Variants in LRRK1 observed in about 807,000 individuals in gnomAD.
The protein encoded by LRRK1 is leucine-rich repeat serine/threonine-protein kinase 1.
In LRRK1, 113 loss-of-function variants were observed where a neutral mutation model predicts 209.1. That is an observed-to-expected ratio of 0.54 (90% CI 0.46 to 0.63). The LOEUF (loss-of-function observed/expected upper bound fraction) is 0.63, where lower values mean the gene tolerates loss of function less well. LRRK1 is among the 30% of genes least tolerant of loss of function. The pLI, the probability that LRRK1 is intolerant of heterozygous loss-of-function variation, is 0.00. For synonymous variants in LRRK1, 1,144 were observed against 1,099.7 expected, an observed-to-expected ratio of 1.04 and a Z score of -0.80; for missense variants, 2,284 against 2,632.2, an observed-to-expected ratio of 0.87 and a Z score of 2.89.
chr15:101,074,282 T>C lies in LRRK1; in HGVS notation c.*5434T>C, dbSNP rs1419920410. ...CCTCCGCTCCTCCACCATATAATCT[T>C]TTTATCACCTCCCCTCCTCACACCC... is the stretch of plus-strand genomic sequence containing the variant. On this transcript the variant is annotated 3_prime_UTR_variant, in exon 34 of 34. Coordinates refer to ENST00000388948, the MANE Select transcript of LRRK1 (RefSeq NM_024652.6). 1 of 152,130 alleles carries C rather than the reference T, an allele frequency of 6.6e-6. No individual in the cohort carries two copies. The highest frequency in any genetic ancestry group is 1.5e-5 in the Non-Finnish European group (1 of 68,034). 9.4% of individuals were successfully genotyped at this position (152,130 alleles called of 1,614,324 possible). A position where few individuals can be genotyped will look rare whatever the true frequency, so the allele number is the denominator to read the frequency against.
At chr15:100,966,362 C>A (rs7178547) in intron 2 of LRRK1, among the ~76,000 whole-genome samples, 1 of 151,856 alleles carries the variant, frequency 6.6e-6, no homozygotes, top group Non-Finnish European at 1.5e-5. Context: ...AATTTTTTTT[C>A]AGTGAGAATG....
At chr15:100,983,042 G>T (rs569036193) in intron 3 of LRRK1, among the ~76,000 whole-genome samples, 110 of 152,328 alleles carry the variant, frequency 7.2e-4, no homozygotes, top group South Asian at 1.2e-3. Context: ...CGGTGTGGTG[G>T]CATGTGCCTG....
intron 2 of LRRK1, among the ~76,000 whole-genome samples, chr15:100,958,634 A>C (rs2042813832): frequency 6.6e-6 from 1 of 152,236 alleles, no homozygotes; most frequent in Admixed American, 6.5e-5. Flanking sequence ...CCAAATTTCT[A>C]ACTTAACTTC....
chr15:101,033,636 G>C (rs534825685), intron 20 of LRRK1, among the ~76,000 whole-genome samples: 1 of 152,250 alleles, frequency 6.6e-6, no homozygotes, highest in South Asian at 2.1e-4. Flanking sequence ...ATTCCATTGT[G>C]TATATGGACC....
At chr15:100,999,993 G>T (rs1244925525) in intron 6 of LRRK1, among the ~76,000 whole-genome samples, 2 of 152,102 alleles carry the variant, frequency 1.3e-5, no homozygotes, top group Non-Finnish European at 2.9e-5. Flanking sequence ...TAAACATATT[G>T]GCAGCCAACC....
intron 6 of LRRK1, among the ~76,000 whole-genome samples, chr15:101,000,278 T>C (rs1261237361): frequency 6.6e-6 from 1 of 151,642 alleles, no homozygotes; most frequent in Non-Finnish European, 1.5e-5. Flanking sequence ...CTTTTAAAAT[T>C]ACATTTCTAA....
rs780403978 is a variant in LRRK1, at chr15:101,065,805, C to A, written c.5368C>A (p.Arg1790=). 8.7e-6 allele frequency: 14 copies of A among 1,613,896 alleles called. No homozygotes were observed. Among genetic ancestry groups the A allele is most frequent in the Non-Finnish European group, 1.1e-5 (13 of 1,180,002 alleles). The change falls in exon 32 of 34, where the codon CGG becomes AGG. Residue 1790 remains arginine (R), a synonymous_variant. Coordinates refer to ENST00000388948, the MANE Select transcript of LRRK1 (RefSeq NM_024652.6). Reference sequence around the variant, plus strand: ...CCCCCTCAGGGACATGTTTCCCGTGCGGCCCTTGGACACGGAACCCCCGGC... The same window carrying A: ...CCCCCTCAGGGACATGTTTCCCGTGAGGCCCTTGGACACGGAACCCCCGGC... ...PSPLRDMFPV[R]PLDTEPPAAS...
At chr15:100,949,559 G>T (rs1180337848) in intron 2 of LRRK1, among the ~76,000 whole-genome samples, 1 of 152,024 alleles carries the variant, frequency 6.6e-6, no homozygotes, top group Admixed American at 6.5e-5. Context: ...GCCAAAACCA[G>T]AAAAAGATCT....
At chr15:101,020,769 C>A (rs1056738182) in intron 12 of LRRK1, among the ~76,000 whole-genome samples, 13 of 152,176 alleles carry the variant, frequency 8.5e-5, no homozygotes, top group Non-Finnish European at 1.9e-4. Flanking sequence ...TGCAATTATT[C>A]TATTACTCAT....
chr15:100,953,527 T>C (rs1398643529), intron 2 of LRRK1, among the ~76,000 whole-genome samples: 6 of 129,106 alleles, frequency 4.6e-5, no homozygotes, highest in African/African-American at 1.8e-4. Flanking sequence ...TATATATATA[T>C]ATATATACAC....
At chr15:100,934,067 TTTTA>T (rs2042253403) in intron 2 of LRRK1, among the ~76,000 whole-genome samples, 1 of 152,100 alleles carries the variant, frequency 6.6e-6, no homozygotes, top group South Asian at 2.1e-4. Context: ...CTCAGTTAAT[TTTTA>T]TTTATTTATT....
chr15:100,928,795 G>A (rs905568965), intron 2 of LRRK1, among the ~76,000 whole-genome samples: 1 of 152,126 alleles, frequency 6.6e-6, no homozygotes, highest in African/African-American at 2.4e-5. Context: ...TCCTTTCAAA[G>A]CCCCTGGATG....
At position 101,074,894 on chromosome 15, in the gene LRRK1, C is replaced by A. The variant is rs1398860308; in HGVS notation, c.*6046C>A. On this transcript the variant is annotated 3_prime_UTR_variant, in exon 34 of 34. Coordinates refer to ENST00000388948, the MANE Select transcript of LRRK1 (RefSeq NM_024652.6). Reference sequence around the variant, plus strand: ...AAGCCGTGTCCCATCTGTGCGGGACCCCACTGGAAATCGGACTGTCCAACT... The same window carrying A: ...AAGCCGTGTCCCATCTGTGCGGGACACCACTGGAAATCGGACTGTCCAACT... The A allele has an allele frequency of 1.3e-5, 2 of 151,848 alleles. No homozygotes were observed. The highest frequency in any genetic ancestry group is 3.9e-4 in the East Asian group (2 of 5,148). 9.4% of individuals were successfully genotyped at this position (151,848 alleles called of 1,614,324 possible). A position where few individuals can be genotyped will look rare whatever the true frequency, so the allele number is the denominator to read the frequency against.
chr15:100,983,439 TC>T (rs2031708239), intron 3 of LRRK1, 88 bp from the exon 4 acceptor site: 2 of 1,276,526 alleles, frequency 1.6e-6, no homozygotes, highest in South Asian at 1.6e-5. Flanking sequence ...CCAGTCCTGC[TC>T]CGGGACCTGG....
rs56323708 is a variant in LRRK1, at chr15:100,956,644, T to C, written c.98-17160T>C. 2.2e-3 allele frequency among the ~76,000 whole-genome samples: 328 copies of C among 151,900 alleles called. 1 individual carries two copies. The highest frequency in any genetic ancestry group is 6.8e-3 in the Middle Eastern group (2 of 294). ...CACGCCTGGCTAATTTTTGTGTTTT[T>C]AGTAGAGACAGGGTTTCACCATCTT... On this transcript the variant is annotated intron_variant, in intron 2 of 33. Transcript: ENST00000388948.
rs147140086 is a variant in LRRK1, at chr15:100,940,332, C to T, written c.97+15603C>T. 1.2e-3 allele frequency among the ~76,000 whole-genome samples: 184 copies of T among 152,232 alleles called. 2 individuals carry two copies. The East Asian group carries it at 0.019, about 16-fold the overall frequency. On this transcript the variant is annotated intron_variant, in intron 2 of 33. Coordinates refer to ENST00000388948, the MANE Select transcript of LRRK1 (RefSeq NM_024652.6). ...TAGTATCCTGTCACTTCTGAGGACT[C>T]ATATTTTTGCAACTTGAAAATTATT...
At chr15:101,068,341 T>C (rs1331120735) in intron 33 of LRRK1, among the ~76,000 whole-genome samples, 2 of 152,072 alleles carry the variant, frequency 1.3e-5, no homozygotes, top group African/African-American at 4.8e-5. Flanking sequence ...TTTGGGTCAG[T>C]GGTGTTTTCT....
Position 101,006,359 on chromosome 15 carries a change from A to G in LRRK1, c.763-2478A>G, listed in dbSNP as rs117416470. 9.2e-3 allele frequency among the ~76,000 whole-genome samples: 1,322 copies of G among 143,908 alleles called. 11 individuals carry two copies. Among genetic ancestry groups the G allele is most frequent in the Non-Finnish European group, 0.014 (945 of 66,788 alleles). 94.4% of individuals were successfully genotyped at this position (143,908 alleles called of 152,430 possible). A position where few individuals can be genotyped will look rare whatever the true frequency, so the allele number is the denominator to read the frequency against. On this transcript the variant is annotated intron_variant, in intron 6 of 33. Coordinates refer to ENST00000388948, the MANE Select transcript of LRRK1 (RefSeq NM_024652.6). Reference sequence around the variant, plus strand: ...GGCTAAAAGTTGCAGGACTTAATGCAACGACAATGTGATAAAAAAAAAAAA... The same window carrying G: ...GGCTAAAAGTTGCAGGACTTAATGCGACGACAATGTGATAAAAAAAAAAAA...
At chr15:100,965,847 A>G (rs1238223222) in intron 2 of LRRK1, among the ~76,000 whole-genome samples, 2 of 152,232 alleles carry the variant, frequency 1.3e-5, no homozygotes, top group Non-Finnish European at 2.9e-5. Flanking sequence ...GAAAATAATG[A>G]CATAAATTAT....
Sources: allele counts gnomAD v4.1 joint callset (sites outside exome capture counted in the v4.1 genomes callset), GRCh38; gene constraint gnomAD v4.1.1; transcripts MANE v1.5; gene names NCBI Gene and HGNC (gene_info 2026-07-23, HGNC 2026-07-21).